The following DLG2 variants were observed in gnomAD, a reference collection of about 807,000 sequenced individuals.
The protein encoded by DLG2 is discs large MAGUK scaffold protein 2, also known as disks large homolog 2.
In DLG2, 45 loss-of-function variants were observed where a neutral mutation model predicts 132.5. The ratio of observed to expected loss-of-function variants is 0.34; its 90% confidence interval spans 0.27 to 0.44. The LOEUF is 0.44. DLG2 is among the 20% of genes least tolerant of loss of function. The pLI is 1.00. For synonymous variants in DLG2, 424 were observed against 419.6 expected (o/e 1.01, Z -0.13); for missense variants, 1,045 against 1,196.9 (o/e 0.87, Z 1.87).
At position 84,184,145 on chromosome 11, in the gene DLG2, C is replaced by T. The variant is rs540465815; in HGVS notation, c.574-20634G>A. ...TTTTAGTTCTAGATCCCTGAGGAATCGCCACACTGACTTCCACAAGGGTTG... is the reference window on the plus strand; with the variant it reads ...TTTTAGTTCTAGATCCCTGAGGAATTGCCACACTGACTTCCACAAGGGTTG... On this transcript the variant is annotated intron_variant, in intron 8 of 27. Coordinates refer to ENST00000376104, the MANE Select transcript of DLG2 (RefSeq NM_001142699.3). 6.5e-3 allele frequency among the ~76,000 whole-genome samples: 993 copies of T among 152,266 alleles called. 5 individuals carry two copies. Among genetic ancestry groups the T allele is most frequent in the Admixed American group, 0.011 (161 of 15,296 alleles).
intron 16 of DLG2, among the ~76,000 whole-genome samples, chr11:83,857,023 G>C (rs1407632972): frequency 6.6e-6 from 1 of 152,192 alleles, no homozygotes; most frequent in Non-Finnish European, 1.5e-5. Context: ...AAGGAGTACA[G>C]TTTTAATCTT....
rs35919733 is a variant in DLG2, at chr11:83,829,970, C to T, written c.1722+3644G>A. Reference sequence around the variant, plus strand: ...GTCCAAGTGTTCTCATTGTTCAATTCCCACCTATGAGTGAGAACATGCGGT... The same window carrying T: ...GTCCAAGTGTTCTCATTGTTCAATTTCCACCTATGAGTGAGAACATGCGGT... On this transcript the variant is annotated intron_variant, in intron 17 of 27. Transcript: ENST00000376104. Among the ~76,000 whole-genome samples, 572 of 152,190 alleles carry T rather than the reference C, an allele frequency of 3.8e-3. 1 individual carries two copies. Among genetic ancestry groups the T allele is most frequent in the Non-Finnish European group, 6.6e-3 (446 of 68,006 alleles).
intron 3 of DLG2, among the ~76,000 whole-genome samples, chr11:85,530,302 T>C (rs193173422): frequency 8.8e-4 from 133 of 150,754 alleles, no homozygotes; most frequent in African/African-American, 3.1e-3. Context: ...GGCCTTTTTT[T>C]ATTTTTATTT....
At chr11:84,289,074 A>G (rs1186942796) in intron 7 of DLG2, among the ~76,000 whole-genome samples, 1 of 152,158 alleles carries the variant, frequency 6.6e-6, no homozygotes, top group African/African-American at 2.4e-5. Context: ...AAAACATTTC[A>G]GTGAACACTA....
At chr11:85,223,149 G>C (rs1297949073) in intron 4 of DLG2, among the ~76,000 whole-genome samples, 2 of 152,118 alleles carry the variant, frequency 1.3e-5, no homozygotes, top group African/African-American at 4.8e-5. Context: ...TACCTATAAG[G>C]TATAATCTAT....
intron 9 of DLG2, among the ~76,000 whole-genome samples, chr11:84,104,348 C>T (rs2092753624): frequency 6.6e-6 from 1 of 152,014 alleles, no homozygotes; most frequent in Non-Finnish European, 1.5e-5. Flanking sequence ...CATATTCTCA[C>T]TTATAAATGG....
intron 6 of DLG2, among the ~76,000 whole-genome samples, chr11:85,051,091 T>A (rs2062844322): frequency 6.6e-6 from 1 of 152,084 alleles, no homozygotes; most frequent in Admixed American, 6.6e-5. Context: ...CAGGGTAAAA[T>A]GCATTAAGTT....
At chr11:84,505,460 A>G (rs2099236414) in intron 7 of DLG2, among the ~76,000 whole-genome samples, 1 of 152,200 alleles carries the variant, frequency 6.6e-6, no homozygotes, top group East Asian at 1.9e-4. Flanking sequence ...AGACCTAGTA[A>G]AAATCACTGC....
At chr11:85,474,248 AT>A (rs1393443845) in intron 3 of DLG2, among the ~76,000 whole-genome samples, 6 of 152,198 alleles carry the variant, frequency 3.9e-5, no homozygotes, top group South Asian at 4.1e-4. Context: ...TACCAAAAAA[AT>A]AGAACAAGCC....
At chr11:85,555,624 T>A (rs922554672) in intron 3 of DLG2, among the ~76,000 whole-genome samples, 3 of 151,870 alleles carry the variant, frequency 2.0e-5, no homozygotes, top group Non-Finnish European at 4.4e-5. Context: ...AGATAACCAA[T>A]TGTCTTCTTG....
At chr11:85,627,050 A>C (rs916408661) in intron 1 of DLG2, among the ~76,000 whole-genome samples, 168 bp downstream of exon 1, 1 of 152,212 alleles carries the variant, frequency 6.6e-6, no homozygotes, top group Non-Finnish European at 1.5e-5. Context: ...GATGATAAAG[A>C]TACTCAAATC....
At chr11:85,296,536 C>T (rs2079229740) in intron 3 of DLG2, among the ~76,000 whole-genome samples, 1 of 139,190 alleles carries the variant, frequency 7.2e-6, no homozygotes, top group African/African-American at 2.6e-5. Context: ...AGCTCTGAAT[C>T]AGAAGACTGT....
At chr11:84,613,583 G>T (rs145029324) in intron 6 of DLG2, among the ~76,000 whole-genome samples, 97 of 152,288 alleles carry the variant, frequency 6.4e-4, no homozygotes, top group African/African-American at 2.2e-3. Flanking sequence ...CCTGCACATA[G>T]TGACCACTCA....
intron 19 of DLG2, among the ~76,000 whole-genome samples, chr11:83,601,282 C>T (rs940993724): frequency 6.6e-6 from 1 of 152,080 alleles, no homozygotes; most frequent in Non-Finnish European, 1.5e-5. Context: ...GGGCATTATT[C>T]TATATGGGCT....
At position 85,370,122 on chromosome 11, in the gene DLG2, C is replaced by T. The variant is rs568300361; in HGVS notation, c.41-84757G>A. On this transcript the variant is annotated intron_variant, in intron 3 of 27. Transcript: ENST00000376104. ...TGATAAGGCCTATGGAACTGACATA[C>T]GGAACTAACCATGCCCTTAATTAAG... is the stretch of plus-strand genomic sequence containing the variant. Among the ~76,000 whole-genome samples, 22 of 152,188 alleles carry T rather than the reference C, an allele frequency of 1.4e-4. No homozygotes were observed. The East Asian group carries it at 2.3e-3, about 16-fold the overall frequency.
chr11:84,096,444 C>T (rs949228391), intron 10 of DLG2, among the ~76,000 whole-genome samples: 13 of 152,176 alleles, frequency 8.5e-5, no homozygotes, highest in Non-Finnish European at 1.9e-4. Flanking sequence ...ACCATGTTTG[C>T]AGGCAAAGAA....
In DLG2 at chr11:84,961,701, A is replaced by G. The variant is rs372029598; in HGVS notation, c.357+149960T>C. ...AAATGATAAGGACATAAATGTTAAT[A>G]AAACAAAACTGTAAAATCTCTAAAT... On this transcript the variant is annotated intron_variant, in intron 6 of 27. Transcript: ENST00000376104. 1.9e-4 allele frequency among the ~76,000 whole-genome samples: 29 copies of G among 152,310 alleles called. No homozygotes were observed. In the East Asian group the frequency reaches 5.2e-3, roughly 27 times the overall value.
intron 3 of DLG2, among the ~76,000 whole-genome samples, chr11:85,356,136 G>T (rs979942955): frequency 1.3e-5 from 2 of 152,156 alleles, no homozygotes; most frequent in Non-Finnish European, 2.9e-5. Flanking sequence ...AAAAGAGGCA[G>T]AAGAGCCACA....
At chr11:84,158,236 T>C (rs541577202) in intron 9 of DLG2, among the ~76,000 whole-genome samples, 33 of 152,182 alleles carry the variant, frequency 2.2e-4, no homozygotes, top group African/African-American at 4.1e-4. Flanking sequence ...GCTAAATTTT[T>C]GTATTTTTAG....
Sources: allele counts gnomAD v4.1 joint callset (sites outside exome capture counted in the v4.1 genomes callset), GRCh38; gene constraint gnomAD v4.1.1; transcripts MANE v1.5; gene names NCBI Gene and HGNC (gene_info 2026-07-23, HGNC 2026-07-21).